The following NXN variants were observed in gnomAD, a reference collection of about 807,000 sequenced individuals.
NXN encodes the protein nucleoredoxin 1.
NXN carries 16 observed loss-of-function variants against 48.6 expected under a neutral mutation model. That is an observed-to-expected ratio of 0.33 (90% CI 0.22 to 0.50). The LOEUF (loss-of-function observed/expected upper bound fraction) is 0.50. NXN is among the 20% of genes least tolerant of loss of function. The pLI, the probability that NXN is intolerant of heterozygous loss-of-function variation, is 0.98. For missense variants in NXN, 492 were observed against 605.5 expected, an observed-to-expected ratio of 0.81 and a Z score of 1.97; for synonymous variants, 281 against 269.6, an observed-to-expected ratio of 1.04 and a Z score of -0.41.
At chr17:869,061 AC>A (rs778984225) in intron 1 of NXN, among the ~76,000 whole-genome samples, 155 of 152,024 alleles carry the variant, frequency 1.0e-3, no homozygotes, top group Non-Finnish European at 2.0e-3. Flanking sequence ...GGCAGATTCT[AC>A]CCAAGCCTCC....
chr17:933,348 G>A (rs137877619), intron 1 of NXN: 1 of 152,368 alleles, frequency 6.6e-6, no homozygotes, highest in Non-Finnish European at 1.5e-5. Flanking sequence ...TGCTCACAGA[G>A]AAAGCACTCG....
chr17:900,322 C>T (rs2663352), intron 1 of NXN, among the ~76,000 whole-genome samples: 121,981 of 152,028 alleles, frequency 0.8, 49,179 homozygotes, highest in Middle Eastern at 0.9. Context: ...CCAAAAAGCT[C>T]ATGAAGAGAG....
At chr17:943,722 G>A (rs1159471815) in intron 1 of NXN, among the ~76,000 whole-genome samples, 1 of 151,824 alleles carries the variant, frequency 6.6e-6, no homozygotes, top group African/African-American at 2.4e-5. Flanking sequence ...CGACTCGGGG[G>A]GCTGAGACAG....
rs200224553 is a variant in NXN at position 958,956 on chromosome 17, T to C, written c.360+20363A>G. The C allele has an allele frequency of 6.1e-3, 1,005 of 165,304 alleles. 10 individuals are homozygous for C. The highest frequency in any genetic ancestry group is 0.022 in the African/African-American group (900 of 40,606). The allele number at this position is 165,304 out of a possible 1,614,324, so 10.2% of individuals were successfully genotyped here. ...TAAAAAAGAAACACACACACACACA[T>C]ACACACACACACACACGATACGAGT... On this transcript the variant is annotated intron_variant, in intron 1 of 7. Transcript: ENST00000336868. The surrounding 1 kb of genome is among the most constrained non-coding windows in gnomAD (Gnocchi z 6.9).
rs539718134 is a variant in NXN at position 882,127 on chromosome 17, A to C, written c.361-56049T>G. ...AAAAAAAGAACTCATACCAACAAGA[A>C]GGAGAAAAAAATAATTTGTCTTCAT... On this transcript the variant is annotated intron_variant, in intron 1 of 7. Coordinates refer to ENST00000336868, the MANE Select transcript of NXN (RefSeq NM_022463.5). 4.6e-5 allele frequency among the ~76,000 whole-genome samples: 7 copies of C among 152,316 alleles called. No homozygotes were observed. In the East Asian group the frequency reaches 1.3e-3, roughly 29 times the overall value.
chr17:912,932 C>T (rs1478275516), intron 1 of NXN, among the ~76,000 whole-genome samples: 3 of 150,458 alleles, frequency 2.0e-5, no homozygotes, highest in African/African-American at 2.5e-5. Context: ...CCAGCCTGGG[C>T]GACAGAGTGA....
Position 876,553 on chromosome 17 carries a change from A to G in NXN, c.361-50475T>C, listed in dbSNP as rs115864687. Reference sequence around the variant, plus strand: ...TGAAGAAAGCACCTGGAGAGTAGGAAGTAAGAGTTATGTACTCTGAGATTC... The same window carrying G: ...TGAAGAAAGCACCTGGAGAGTAGGAGGTAAGAGTTATGTACTCTGAGATTC... On this transcript the variant is annotated intron_variant, in intron 1 of 7. Coordinates refer to ENST00000336868, the MANE Select transcript of NXN (RefSeq NM_022463.5). 3.7e-3 allele frequency among the ~76,000 whole-genome samples: 568 copies of G among 152,312 alleles called. 2 individuals carry two copies. Among genetic ancestry groups the G allele is most frequent in the African/African-American group, 0.013 (534 of 41,578 alleles).
intron 1 of NXN, among the ~76,000 whole-genome samples, chr17:837,589 T>TC (rs1913896321): frequency 6.6e-6 from 1 of 152,094 alleles, no homozygotes; most frequent in African/African-American, 2.4e-5. Flanking sequence ...TGACCACGGC[T>TC]CCCCCTTGTT....
intron 1 of NXN, chr17:842,632 T>TC (rs1914395319): frequency 1.1e-6 from 1 of 930,710 alleles, no homozygotes; most frequent in Admixed American, 6.2e-5. Flanking sequence ...CTACTAAACT[T>TC]CCGTTCAGAA....
In NXN at chr17:819,422, G is replaced by A. The variant is rs368435518; in HGVS notation, c.820+17C>T. 6.2e-6 allele frequency: 10 copies of A among 1,605,224 alleles called. No individual in the cohort carries two copies. Among genetic ancestry groups the A allele is most frequent in the Non-Finnish European group, 8.5e-6 (10 of 1,172,024 alleles). On this transcript the variant is annotated intron_variant, in intron 5 of 7. Coordinates refer to ENST00000336868, the MANE Select transcript of NXN (RefSeq NM_022463.5). ...GGTTTCCAGGAGCCACACGGAGCCGGGGCCTGGAGCGCCTACCTTGGATTC... is the reference window on the plus strand; with the variant it reads ...GGTTTCCAGGAGCCACACGGAGCCGAGGCCTGGAGCGCCTACCTTGGATTC...
chr17:974,250 C>CT (rs2069428917), intron 1 of NXN, among the ~76,000 whole-genome samples: 1 of 151,768 alleles, frequency 6.6e-6, no homozygotes, highest in South Asian at 2.1e-4. Flanking sequence ...ACTCAGGAGG[C>CT]TGAGGCAGGA....
chr17:937,557 C>T (rs1422564584), intron 1 of NXN, among the ~76,000 whole-genome samples: 5 of 152,176 alleles, frequency 3.3e-5, no homozygotes, highest in African/African-American at 1.2e-4. Context: ...TTCTCCGAGG[C>T]TATTGCCGGT....
chr17:951,657 C>T (rs1597270354), intron 1 of NXN, among the ~76,000 whole-genome samples: 2 of 152,012 alleles, frequency 1.3e-5, no homozygotes, highest in African/African-American at 2.4e-5. Flanking sequence ...GCAAGCCCCA[C>T]TTCCATGTAT....
rs186970399 is a variant in NXN, at chr17:953,111, C to A, written c.360+26208G>T. Among the ~76,000 whole-genome samples the A allele has an allele frequency of 9.2e-5, 14 of 152,226 alleles. No individual in the cohort carries two copies. In the East Asian group the frequency reaches 2.7e-3, roughly 29 times the overall value. On this transcript the variant is annotated intron_variant, in intron 1 of 7. Coordinates refer to ENST00000336868, the MANE Select transcript of NXN (RefSeq NM_022463.5). Reference sequence around the variant, plus strand: ...ATGACTGATGATCATTATCATGGAACCCTCCAGCTCAGGGAATGTCTGAGT... The same window carrying A: ...ATGACTGATGATCATTATCATGGAAACCTCCAGCTCAGGGAATGTCTGAGT...
chr17:846,376 C>T (rs1424360428), intron 1 of NXN, among the ~76,000 whole-genome samples: 2 of 138,904 alleles, frequency 1.4e-5, no homozygotes, highest in Non-Finnish European at 3.0e-5. Flanking sequence ...AAGATCGTGC[C>T]ACTGCACTCC....
intron 5 of NXN, among the ~76,000 whole-genome samples, chr17:813,215 T>C (rs973119582): frequency 6.6e-6 from 1 of 152,196 alleles, no homozygotes; most frequent in South Asian, 2.1e-4. Context: ...CCTTCAGAGG[T>C]ATTTCGGCCC....
At chr17:808,630 T>C (rs561305356) in intron 5 of NXN, among the ~76,000 whole-genome samples, 6 of 151,674 alleles carry the variant, frequency 4.0e-5, no homozygotes, top group Admixed American at 2.6e-4. Context: ...ACCTGGTATA[T>C]TGATATTGTA....
intron 1 of NXN, among the ~76,000 whole-genome samples, chr17:878,566 G>A (rs1157557802): frequency 6.6e-6 from 1 of 151,916 alleles, no homozygotes; most frequent in Non-Finnish European, 1.5e-5. Context: ...GGGAGTTTGG[G>A]TTGGATCCAC....
At position 830,168 on chromosome 17, in the gene NXN, T is replaced by G. The variant is rs1399466004; in HGVS notation, c.361-4090A>C. ...TCAGCACCCTGTGCTTTCCCCGCTATGTTTTGTAACTGGTAAGAGCTGAAA... is the reference window on the plus strand; with the variant it reads ...TCAGCACCCTGTGCTTTCCCCGCTAGGTTTTGTAACTGGTAAGAGCTGAAA... On this transcript the variant is annotated intron_variant, in intron 1 of 7. Coordinates refer to ENST00000336868, the MANE Select transcript of NXN (RefSeq NM_022463.5). The surrounding 1 kb of genome is among the most constrained non-coding windows in gnomAD (Gnocchi z 4.2). Among the ~76,000 whole-genome samples the G allele has an allele frequency of 3.3e-5, 5 of 152,188 alleles. No homozygotes were observed. Among genetic ancestry groups the G allele is most frequent in the Admixed American group, 6.5e-5 (1 of 15,272 alleles).
Sources: gnomAD v4.1 joint callset for allele counts (sites outside exome capture counted in the v4.1 genomes callset) on GRCh38, gnomAD v4.1.1 for gene constraint, Gnocchi (gnomAD v3.1) non-coding constraint, MANE v1.5 for transcripts, NCBI Gene and HGNC (gene_info 2026-07-23, HGNC 2026-07-21) for gene names.